KMT2A: variants seen among roughly 807,000 people sequenced by gnomAD.
KMT2A encodes lysine methyltransferase 2A, also known as histone-lysine N-methyltransferase 2A.
KMT2A carries 16 observed loss-of-function variants against 345.3 expected under a neutral mutation model. That is an observed-to-expected ratio of 0.05 (90% CI 0.03 to 0.07). The LOEUF (loss-of-function observed/expected upper bound fraction) is 0.07. Among genes scored for constraint, KMT2A ranks in the 10% least tolerant of loss-of-function variants. The probability of loss-of-function intolerance (pLI) is 1.00; values close to 1 mark genes in which losing one functional copy is unlikely to be tolerated. For synonymous variants in KMT2A, 1,599 were observed against 1,778.6 expected, an observed-to-expected ratio of 0.90 and a Z score of 2.54; for missense variants, 3,272 against 4,841.6, an observed-to-expected ratio of 0.68 and a Z score of 9.62.
intron 3 of KMT2A, among the ~76,000 whole-genome samples, chr11:118,475,141 A>G (rs1166251842): frequency 6.6e-6 from 1 of 152,100 alleles, no homozygotes; most frequent in African/African-American, 2.4e-5. Context: ...CTCAAAATAA[A>G]TAAATAAATA....
chr11:118,440,789 T>C (rs1591338106), intron 1 of KMT2A, among the ~76,000 whole-genome samples: 1 of 151,762 alleles, frequency 6.6e-6, no homozygotes, highest in South Asian at 2.1e-4. Flanking sequence ...GTGATTTTTT[T>C]TTTTTTTTTT....
chr11:118,442,792 T>C (rs1555026203), intron 1 of KMT2A, among the ~76,000 whole-genome samples: 1 of 152,204 alleles, frequency 6.6e-6, no homozygotes. Context: ...ATAGCTTTTC[T>C]GGAAAAAGTA....
At chr11:118,464,085 T>A (rs1333137780) in intron 1 of KMT2A, among the ~76,000 whole-genome samples, 1 of 152,186 alleles carries the variant, frequency 6.6e-6, no homozygotes, top group African/African-American at 2.4e-5. Context: ...GACAAGATGA[T>A]GTTGAAGATG....
At chr11:118,507,700 C>T (rs1477607723) in intron 28 of KMT2A, 91 bp downstream of exon 28, 4 of 1,010,944 alleles carry the variant, frequency 4.0e-6, no homozygotes, top group Non-Finnish European at 6.1e-6. Context: ...CGCAGTGGCT[C>T]ACGCCTGTAA....
intron 6 of KMT2A, 106 bp downstream of exon 6, chr11:118,480,344 T>C: frequency 1.3e-6 from 1 of 767,870 alleles, no homozygotes; most frequent in Non-Finnish European, 2.1e-6. Context: ...GTACAACTCT[T>C]TCTCAGGGAG....
chr11:118,522,367 C>G lies in KMT2A; in HGVS notation c.*195C>G. 1 of 577,600 alleles carries G rather than the reference C, an allele frequency of 1.7e-6. No homozygotes were observed. The highest frequency in any genetic ancestry group is 3.0e-6 in the Non-Finnish European group (1 of 332,850). 35.8% of individuals were successfully genotyped at this position (577,600 alleles called of 1,614,324 possible). ...AGTCCCAGAGACAGAGTTGAGGTCT[C>G]GAAGAAAAGATCCATGATCGGCTTT... On this transcript the variant is annotated 3_prime_UTR_variant, in exon 36 of 36. Transcript: ENST00000534358. The surrounding 1 kb of genome is among the most constrained non-coding windows in gnomAD (Gnocchi z 5.4).
chr11:118,505,452 T>C lies in KMT2A; in HGVS notation c.9560T>C (p.Leu3187Pro). 1 of 1,614,198 alleles carries C rather than the reference T, an allele frequency of 6.2e-7. No homozygotes were observed. Among genetic ancestry groups the C allele is most frequent in the Non-Finnish European group, 8.5e-7 (1 of 1,180,034 alleles). The stretch of plus-strand genomic sequence containing the variant: ...AACATCAGCAATCCTCCTTCAGGCC[T>C]GCTTATTGGGGTTCAGCCTCCTCCG... ...PPNISNPPSG[L>P]LIGVQPPPDP... Residue 3187 changes from leucine (L) to proline (P), a missense_variant, in exon 27 of 36, where the codon CTG (leucine) becomes CCG (proline). Around this residue, in one of 27 missense-constraint regions of KMT2A, gnomAD observed 748 missense variants for 922.2 expected, o/e 0.81. Transcript: ENST00000534358. This position sits in a 1 kb window ranked among gnomAD's most constrained non-coding sequence, Gnocchi z 4.6.
chr11:118,513,937 C>CAAAAAAAAAAAAAA (rs1178939991), intron 31 of KMT2A, among the ~76,000 whole-genome samples: 1 of 47,344 alleles, frequency 2.1e-5, no homozygotes, highest in East Asian at 5.9e-4. Flanking sequence ...GACCCTGTCT[C>CAAAAAAAAAAAAAA]AAAAAAAAAA....
chr11:118,521,092 G>A lies in KMT2A; in HGVS notation c.11514-196G>A. 1.5e-6 allele frequency: 1 copy of A among 666,508 alleles called. No individual in the cohort carries two copies. The highest frequency in any genetic ancestry group is 2.6e-6 in the Non-Finnish European group (1 of 384,056). 41.3% of individuals were successfully genotyped at this position (666,508 alleles called of 1,614,324 possible). ...AAGCATTAAAATATTACTGCTTCCAGCGGGTCACAGAATGGAAATAACTTT... is the reference window on the plus strand; with the variant it reads ...AAGCATTAAAATATTACTGCTTCCAACGGGTCACAGAATGGAAATAACTTT... On this transcript the variant is annotated intron_variant, in intron 34 of 35. Transcript: ENST00000534358. The surrounding 1 kb of genome is among the most constrained non-coding windows in gnomAD (Gnocchi z 5.3).
chr11:118,524,644 G>C lies in KMT2A; in HGVS notation c.*2472G>C, dbSNP rs1951042716. On this transcript the variant is annotated 3_prime_UTR_variant, in exon 36 of 36. Transcript: ENST00000534358. ...GGCCCTAGGGGTTCCACTAGTGTCT[G>C]CTTTCCTTTATTATTGCACTGTGTG... The C allele has an allele frequency of 5.6e-6, 1 of 179,700 alleles. No individual in the cohort carries two copies. Among genetic ancestry groups the C allele is most frequent in the South Asian group, 2.0e-4 (1 of 5,026 alleles). The allele number at this position is 179,700 out of a possible 1,614,324, so 11.1% of individuals were successfully genotyped here.
chr11:118,471,006 G>T (rs1368752145), intron 2 of KMT2A, among the ~76,000 whole-genome samples: 7 of 152,164 alleles, frequency 4.6e-5, no homozygotes, highest in Admixed American at 4.6e-4. Context: ...CTAAGCAGGG[G>T]AGTAGATTTA....
chr11:118,516,357 G>A (rs868963380), intron 31 of KMT2A, among the ~76,000 whole-genome samples: 2 of 152,140 alleles, frequency 1.3e-5, no homozygotes, highest in Admixed American at 6.5e-5. Context: ...GAAAGTCCTC[G>A]AGGCAAGCTA....
rs1216582922 is a variant in KMT2A at position 118,525,723 on chromosome 11, G to C, written c.*3551G>C. 8.7e-6 allele frequency: 2 copies of C among 228,724 alleles called. No individual in the cohort carries two copies. Among genetic ancestry groups the C allele is most frequent in the Non-Finnish European group, 1.7e-5 (2 of 116,068 alleles). 14.2% of individuals were successfully genotyped at this position (228,724 alleles called of 1,614,324 possible). On this transcript the variant is annotated 3_prime_UTR_variant, in exon 36 of 36. Transcript: ENST00000534358. ...AATCAAATATCTGAAAATACTAAAG[G>C]TCAAAACCTTGTCAGATGTTAACTT... is the stretch of plus-strand genomic sequence containing the variant.
intron 1 of KMT2A, among the ~76,000 whole-genome samples, chr11:118,459,067 A>G (rs555679853): frequency 2.1e-4 from 32 of 152,106 alleles, no homozygotes; most frequent in African/African-American, 2.9e-4. Context: ...TGATTTTTCA[A>G]ACTCTTTTTT....
At chr11:118,439,982 G>A (rs927963843) in intron 1 of KMT2A, among the ~76,000 whole-genome samples, 2 of 151,410 alleles carry the variant, frequency 1.3e-5, no homozygotes, top group Middle Eastern at 3.4e-3. Context: ...CAAAAGGGAA[G>A]TTTAGGGTTC....
At chr11:118,519,077 C>CAAAA (rs11443977) in intron 31 of KMT2A, among the ~76,000 whole-genome samples, 13 of 66,360 alleles carry the variant, frequency 2.0e-4, no homozygotes, top group South Asian at 8.3e-4. Flanking sequence ...GACTCCATCT[C>CAAAA]AAAAAAAAAA....
At position 118,505,680 on chromosome 11, in the gene KMT2A, C is replaced by G. The variant is rs1555047944; in HGVS notation, c.9788C>G (p.Ser3263Cys). The G allele has an allele frequency of 6.2e-7, 1 of 1,614,186 alleles. No individual in the cohort carries two copies. The highest frequency in any genetic ancestry group is 8.5e-7 in the Non-Finnish European group (1 of 1,180,016). Residue 3263 changes from serine to cysteine, a missense_variant, in exon 27 of 36, where the codon TCC becomes TGC. By Grantham distance (112) the Ser-to-Cys change is moderately radical. This residue lies in a region of KMT2A where 748 missense variants were observed against 922.2 expected (regional missense o/e 0.81). Transcript: ENST00000534358. The surrounding 1 kb of genome is among the most constrained non-coding windows in gnomAD (Gnocchi z 4.6). ...SNMTLINFTP[S>C]QLPNHPSLLD... is the part of the protein sequence containing the mutation. Reference sequence around the variant, plus strand: ...ATGACATTGATTAACTTCACACCCTCCCAGCTTCCTAATCATCCAAGTCTG... The same window carrying G: ...ATGACATTGATTAACTTCACACCCTGCCAGCTTCCTAATCATCCAAGTCTG...
Position 118,504,011 on chromosome 11 carries a change from C to T in KMT2A, c.8119C>T (p.Arg2707Trp), listed in dbSNP as rs1437799270. 16 of 1,613,932 alleles carry T rather than the reference C, an allele frequency of 9.9e-6. No individual in the cohort carries two copies. Among genetic ancestry groups the T allele is most frequent in the Admixed American group, 3.3e-5 (2 of 59,988 alleles). The change falls in exon 27 of 36, where the codon CGG (arginine) becomes TGG (tryptophan). Residue 2707 changes from arginine to tryptophan, a missense_variant. Arg to Trp is a moderately radical substitution (Grantham distance 101, BLOSUM62 -3). This residue lies in a region of KMT2A where 47 missense variants were observed against 53.6 expected (regional missense o/e 0.88). Coordinates refer to ENST00000534358, the MANE Select transcript of KMT2A (RefSeq NM_001197104.2). The surrounding 1 kb of genome is among the most constrained non-coding windows in gnomAD (Gnocchi z 6.4). ...ACGACTGGCATCCCATAATTTATTT[C>T]GGGAGGAGGAACAGTGTGATCTTCC... ...EERLASHNLF[R>W]EEEQCDLPKI...
intron 1 of KMT2A, among the ~76,000 whole-genome samples, chr11:118,437,253 C>T (rs1949208248): frequency 6.6e-6 from 1 of 151,994 alleles, no homozygotes; most frequent in African/African-American, 2.4e-5. Context: ...ACCCCTCCTC[C>T]CTTTCACAGA....
Sources: gnomAD v4.1 joint callset for allele counts (sites outside exome capture counted in the v4.1 genomes callset) on GRCh38, gnomAD v4.1.1 for gene constraint, gnomAD v4.1.1 regional missense constraint, Gnocchi (gnomAD v3.1) non-coding constraint, MANE v1.5 for transcripts, NCBI Gene and HGNC (gene_info 2026-07-23, HGNC 2026-07-21) for gene names.